SEMA3F: variants seen among roughly 807,000 people sequenced by gnomAD.
SEMA3F encodes the protein semaphorin 3F.
Under a neutral mutation model 98.5 loss-of-function variants are expected in SEMA3F, and 30 were observed. That is an observed-to-expected ratio of 0.30 (90% CI 0.23 to 0.41). The LOEUF (loss-of-function observed/expected upper bound fraction) is 0.41. SEMA3F is among the 10% of genes least tolerant of loss of function. The pLI is 1.00. For synonymous variants in SEMA3F, 380 were observed against 444.8 expected, an observed-to-expected ratio of 0.85 and a Z score of 1.83; for missense variants, 866 against 1,119.3, an observed-to-expected ratio of 0.77 and a Z score of 3.23.
rs1255045442 is a variant in SEMA3F, at chr3:50,188,621, G to A, written c.*506G>A. On this transcript the variant is annotated 3_prime_UTR_variant, in exon 19 of 19. Coordinates refer to ENST00000002829, the MANE Select transcript of SEMA3F (RefSeq NM_004186.5). This position sits in a 1 kb window ranked among gnomAD's most constrained non-coding sequence, Gnocchi z 4.5. ...ATCACAGGATGCCAGCCCCTGCCTG[G>A]GTTGGGGGCACTCAGCCACGACCAG... The A allele has an allele frequency of 1.3e-5, 2 of 152,670 alleles. No individual in the cohort carries two copies. Among genetic ancestry groups the A allele is most frequent in the Non-Finnish European group, 2.9e-5 (2 of 68,094 alleles). The allele number at this position is 152,670 out of a possible 1,614,324, so 9.5% of individuals were successfully genotyped here. A position where few individuals can be genotyped will look rare whatever the true frequency, so the allele number is the denominator to read the frequency against.
At chr3:50,180,514 C>G (rs1476269872) in intron 7 of SEMA3F, among the ~76,000 whole-genome samples, 1 of 152,178 alleles carries the variant, frequency 6.6e-6, no homozygotes, top group African/African-American at 2.4e-5. Context: ...CACTTGAACA[C>G]TTAGAGGCCA....
In SEMA3F at chr3:50,156,688, C is replaced by T. The variant is rs538131382; in HGVS notation, c.-49+1124C>T. Among the ~76,000 whole-genome samples, 7 of 152,238 alleles carry T rather than the reference C, an allele frequency of 4.6e-5. No homozygotes were observed. Among genetic ancestry groups the T allele is most frequent in the South Asian group, 4.2e-4 (2 of 4,818 alleles). On this transcript the variant is annotated intron_variant, in intron 1 of 18. Coordinates refer to ENST00000002829, the MANE Select transcript of SEMA3F (RefSeq NM_004186.5). This position sits in a 1 kb window ranked among gnomAD's most constrained non-coding sequence, Gnocchi z 4.5. ...CCGTAGGGTATAGTGTCTAGGCAGGCGGGGGGCACAGGCATGCCTACTCCT... is the reference window on the plus strand; with the variant it reads ...CCGTAGGGTATAGTGTCTAGGCAGGTGGGGGGCACAGGCATGCCTACTCCT...
Position 50,186,759 on chromosome 3 carries a change from G to A in SEMA3F, c.1947+13G>A, listed in dbSNP as rs776343442. ...CCGGCGCCGAGAGGTGAGTTCCTGC[G>A]CCCGGTGCTGCACCGTGGATGTGAG... On this transcript the variant is annotated intron_variant, in intron 18 of 18. Transcript: ENST00000002829. 19 of 1,591,268 alleles carry A rather than the reference G, an allele frequency of 1.2e-5. No individual in the cohort carries two copies. The highest frequency in any genetic ancestry group is 7.8e-5 in the South Asian group (7 of 89,598).
chr3:50,184,432 G>A (rs1699133071), intron 12 of SEMA3F, 160 bp from the exon 13 acceptor site: 6 of 635,552 alleles, frequency 9.4e-6, no homozygotes, highest in South Asian at 7.4e-5. Context: ...AGCAGGACCT[G>A]TAGAGGTCAG....
At chr3:50,162,205 T>A (rs2109060511) in intron 2 of SEMA3F, among the ~76,000 whole-genome samples, 1 of 152,218 alleles carries the variant, frequency 6.6e-6, no homozygotes, top group East Asian at 1.9e-4. Flanking sequence ...GGTGCTGGCA[T>A]AAGGGGCCAC....
At position 50,188,117 on chromosome 3, in the gene SEMA3F, G is replaced by A. The variant is rs755520960; in HGVS notation, c.*2G>A. 19 of 1,477,694 alleles carry A rather than the reference G, an allele frequency of 1.3e-5. No individual in the cohort carries two copies. The highest frequency in any genetic ancestry group is 1.6e-5 in the Non-Finnish European group (18 of 1,116,480). 91.5% of individuals were successfully genotyped at this position (1,477,694 alleles called of 1,614,324 possible). ...CGGCACCACCCTCCGGACACATGAG[G>A]CCAGCTGCCTGTGCCTGCCATGGGC... is the stretch of plus-strand genomic sequence containing the variant. On this transcript the variant is annotated 3_prime_UTR_variant, in exon 19 of 19. Coordinates refer to ENST00000002829, the MANE Select transcript of SEMA3F (RefSeq NM_004186.5). This position sits in a 1 kb window ranked among gnomAD's most constrained non-coding sequence, Gnocchi z 4.5.
At chr3:50,176,671 C>T in intron 6 of SEMA3F, 97 bp from the exon 7 acceptor site, 3 of 872,704 alleles carry the variant, frequency 3.4e-6, no homozygotes, top group Non-Finnish European at 5.7e-6. Context: ...TCGGGGTATG[C>T]CTGGGGGCTC....
intron 12 of SEMA3F, 81 bp downstream of exon 12, chr3:50,183,645 C>G: frequency 4.1e-6 from 6 of 1,468,656 alleles, no homozygotes; most frequent in Non-Finnish European, 5.6e-6. Context: ...AACATGGGCC[C>G]CACCATCATG....
chr3:50,177,986 A>G (rs747508545), intron 7 of SEMA3F, among the ~76,000 whole-genome samples: 2 of 152,254 alleles, frequency 1.3e-5, no homozygotes, highest in Non-Finnish European at 2.9e-5. Context: ...TCACACCTAT[A>G]ATTCCAGCAC....
In SEMA3F at chr3:50,158,845, C is replaced by T. The variant is rs944764170; in HGVS notation, c.-48-730C>T. Among the ~76,000 whole-genome samples the T allele has an allele frequency of 6.6e-5, 10 of 152,198 alleles. No homozygotes were observed. Among genetic ancestry groups the T allele is most frequent in the Non-Finnish European group, 1.0e-4 (7 of 68,026 alleles). On this transcript the variant is annotated intron_variant, in intron 1 of 18. Coordinates refer to ENST00000002829, the MANE Select transcript of SEMA3F (RefSeq NM_004186.5). This position sits in a 1 kb window ranked among gnomAD's most constrained non-coding sequence, Gnocchi z 4.8. Reference sequence around the variant, plus strand: ...TGGGGGATTCTGAAGGTGGCAATGCCGCTGGCCCAGATCCAGCCCCAGGCC... The same window carrying T: ...TGGGGGATTCTGAAGGTGGCAATGCTGCTGGCCCAGATCCAGCCCCAGGCC...
rs935161232 is a variant in SEMA3F, at chr3:50,156,799, G to T, written c.-49+1235G>T. Among the ~76,000 whole-genome samples the T allele has an allele frequency of 6.6e-6, 1 of 152,182 alleles. No individual in the cohort carries two copies. Among genetic ancestry groups the T allele is most frequent in the Non-Finnish European group, 1.5e-5 (1 of 68,020 alleles). ...AGAAAGCAGGGGCCAGAGAGAAGGC[G>T]GCAGCCCACCCAGCCTCAGCCCCTC... On this transcript the variant is annotated intron_variant, in intron 1 of 18. Coordinates refer to ENST00000002829, the MANE Select transcript of SEMA3F (RefSeq NM_004186.5). The surrounding 1 kb of genome is among the most constrained non-coding windows in gnomAD (Gnocchi z 4.5).
intron 7 of SEMA3F, among the ~76,000 whole-genome samples, chr3:50,177,895 A>G (rs1698873734): frequency 6.6e-6 from 1 of 152,104 alleles, no homozygotes; most frequent in Non-Finnish European, 1.5e-5. Flanking sequence ...TTTAAATTAT[A>G]TAAGTTTACG....
Position 50,182,543 on chromosome 3 carries a change from G to A in SEMA3F, c.764-101G>A. The A allele has an allele frequency of 6.4e-7, 1 of 1,573,190 alleles. No homozygotes were observed. The highest frequency in any genetic ancestry group is 1.7e-4 in the Middle Eastern group (1 of 5,786). On this transcript the variant is annotated intron_variant, in intron 8 of 18. Transcript: ENST00000002829. The surrounding 1 kb of genome is among the most constrained non-coding windows in gnomAD (Gnocchi z 4.5). ...GCAGGGGTAGTTTCTTATCTGGAGA[G>A]GAGTTGGGGGTGTTCTTGCACCTGG...
At chr3:50,167,425 C>T (rs1698442063) in intron 2 of SEMA3F, among the ~76,000 whole-genome samples, 1 of 152,216 alleles carries the variant, frequency 6.6e-6, no homozygotes, top group South Asian at 2.1e-4. Context: ...TCCTGCTGCT[C>T]CGTCACTTCT....
chr3:50,168,082 T>C (rs940798973), intron 2 of SEMA3F, among the ~76,000 whole-genome samples: 1 of 152,124 alleles, frequency 6.6e-6, no homozygotes, highest in African/African-American at 2.4e-5. Context: ...GTAATTGGTT[T>C]TGTTGGCACC....
At chr3:50,162,491 G>C (rs146088243) in intron 2 of SEMA3F, among the ~76,000 whole-genome samples, 1,640 of 152,330 alleles carry the variant, frequency 0.011, 11 homozygotes, top group Non-Finnish European at 0.019. Flanking sequence ...TGGAGCCTGG[G>C]CTGGAAGCCT....
intron 7 of SEMA3F, among the ~76,000 whole-genome samples, chr3:50,178,922 C>T (rs1267068469): frequency 6.7e-6 from 1 of 149,246 alleles, no homozygotes; most frequent in African/African-American, 2.5e-5. Context: ...AGTTCCGCCT[C>T]CCGGGTTCAC....
At position 50,174,124 on chromosome 3, in the gene SEMA3F, G is replaced by T. The variant is rs761912679; in HGVS notation, c.336+10G>T. On this transcript the variant is annotated intron_variant, in intron 4 of 18. Transcript: ENST00000002829. Reference sequence around the variant, plus strand: ...AGGCAAGGATGTCAACGTGAGTTTGGTGGGATCCACAGGTGGGAAGGGGGA... The same window carrying T: ...AGGCAAGGATGTCAACGTGAGTTTGTTGGGATCCACAGGTGGGAAGGGGGA... 6.2e-7 allele frequency: 1 copy of T among 1,614,146 alleles called. No homozygotes were observed. Among genetic ancestry groups the T allele is most frequent in the Admixed American group, 1.7e-5 (1 of 60,030 alleles).
intron 2 of SEMA3F, among the ~76,000 whole-genome samples, chr3:50,164,236 C>A (rs1181037846): frequency 1.3e-5 from 2 of 152,240 alleles, no homozygotes; most frequent in African/African-American, 2.4e-5. Context: ...ATGCCCGCCC[C>A]TCCTTCCCTG....
Sources: allele counts gnomAD v4.1 joint callset (sites outside exome capture counted in the v4.1 genomes callset), GRCh38; gene constraint gnomAD v4.1.1; non-coding constraint Gnocchi (gnomAD v3.1); transcripts MANE v1.5; gene names NCBI Gene and HGNC (gene_info 2026-07-23, HGNC 2026-07-21).